LOC128092252: variants seen among roughly 807,000 people sequenced by gnomAD.
the LOC128092252 span, among the ~76,000 whole-genome samples, chr15:50,674,986 T>TA: frequency 6.6e-6 from 1 of 152,142 alleles, no homozygotes; most frequent in Non-Finnish European, 1.5e-5. Flanking sequence ...GTCACTCCCA[T>TA]ACTCACAGAT....
chr15:50,651,412 G>A, the LOC128092252 span, among the ~76,000 whole-genome samples: 27 of 152,280 alleles, frequency 1.8e-4, no homozygotes, highest in Admixed American at 5.9e-4. Flanking sequence ...TTGGGAAGCC[G>A]AGGCGGGTGG....
the LOC128092252 span, among the ~76,000 whole-genome samples, chr15:50,661,924 A>G: frequency 1.3e-5 from 2 of 152,206 alleles, no homozygotes; most frequent in Non-Finnish European, 1.5e-5. Flanking sequence ...GGCCTCAGAA[A>G]AAAGAAAAAT....
the LOC128092252 span, among the ~76,000 whole-genome samples, chr15:50,684,403 A>C: frequency 1.6e-4 from 25 of 152,244 alleles, no homozygotes; most frequent in Non-Finnish European, 2.9e-4. Context: ...ACACTTTGGG[A>C]GGTGAGACAG....
chr15:50,684,597 C>T, the LOC128092252 span, among the ~76,000 whole-genome samples: 9 of 151,786 alleles, frequency 5.9e-5, no homozygotes, highest in African/African-American at 2.2e-4. Flanking sequence ...GCCGAGATCG[C>T]TACACTGCAC....
At chr15:50,679,518 ATATATATATATATATATATATTT>A in the LOC128092252 span, among the ~76,000 whole-genome samples, 5 of 17,370 alleles carry the variant, frequency 2.9e-4, no homozygotes, top group African/African-American at 5.6e-4. Context: ...TATAATATAT[ATATATATATATATATATATATTT>A]TTTTTTTTTT....
chr15:50,683,727 A>C, the LOC128092252 span, among the ~76,000 whole-genome samples: 16 of 152,338 alleles, frequency 1.1e-4, no homozygotes, highest in African/African-American at 3.1e-4. Flanking sequence ...TCCAAAAAAA[A>C]CAAAATAAAA....
the LOC128092252 span, among the ~76,000 whole-genome samples, chr15:50,676,320 A>T: frequency 6.6e-6 from 1 of 152,260 alleles, no homozygotes; most frequent in South Asian, 2.1e-4. Context: ...TTTAACAAAT[A>T]CATTCTATGA....
chr15:50,674,921 T>G, the LOC128092252 span, among the ~76,000 whole-genome samples: 1 of 152,196 alleles, frequency 6.6e-6, no homozygotes, highest in Non-Finnish European at 1.5e-5. Context: ...TGTTTCTCAT[T>G]GGCAAATCCA....
At chr15:50,661,245 G>A in the LOC128092252 span, among the ~76,000 whole-genome samples, 1 of 152,044 alleles carries the variant, frequency 6.6e-6, no homozygotes, top group African/African-American at 2.4e-5. Flanking sequence ...AAAGTGCTGG[G>A]ATTACAGGTG....
At chr15:50,674,011 T>C in the LOC128092252 span, among the ~76,000 whole-genome samples, 1 of 152,184 alleles carries the variant, frequency 6.6e-6, no homozygotes, top group African/African-American at 2.4e-5. Context: ...TTTCTTGAGA[T>C]GGAGTTTTAC....
At chr15:50,681,262 A>ACACACACACACACACAC in the LOC128092252 span, among the ~76,000 whole-genome samples, 3 of 53,608 alleles carry the variant, frequency 5.6e-5, no homozygotes, top group African/African-American at 4.1e-4. Flanking sequence ...AAAATAAATA[A>ACACACACACACACACAC]ATACACACAC....
At chr15:50,650,075 C>T in the LOC128092252 span, among the ~76,000 whole-genome samples, 5 of 151,450 alleles carry the variant, frequency 3.3e-5, no homozygotes, top group East Asian at 5.8e-4. Context: ...TGCCTGTAAT[C>T]CCAGCTACTC....
At chr15:50,672,500 G>C in the LOC128092252 span, among the ~76,000 whole-genome samples, 1 of 152,106 alleles carries the variant, frequency 6.6e-6, no homozygotes, top group Non-Finnish European at 1.5e-5. Context: ...AAGATGAGAG[G>C]TGGAAGACAA....
the LOC128092252 span, chr15:50,662,921 C>T: frequency 1.5e-6 from 2 of 1,334,152 alleles, no homozygotes; most frequent in African/African-American, 2.9e-5. Flanking sequence ...ATATAATTTA[C>T]ACTAAAATTT....
the LOC128092252 span, among the ~76,000 whole-genome samples, chr15:50,676,755 CCA>C: frequency 6.6e-6 from 1 of 151,998 alleles, no homozygotes; most frequent in African/African-American, 2.4e-5. Flanking sequence ...AATAGAAATC[CCA>C]CAGTCTTACT....
chr15:50,657,112 T>C, the LOC128092252 span, among the ~76,000 whole-genome samples: 1 of 152,030 alleles, frequency 6.6e-6, no homozygotes, highest in Non-Finnish European at 1.5e-5. Flanking sequence ...TCACCTGAGG[T>C]CAGGAATTCA....
chr15:50,670,293 C>T, the LOC128092252 span, among the ~76,000 whole-genome samples: 11 of 152,136 alleles, frequency 7.2e-5, 1 homozygote, highest in South Asian at 2.3e-3. Flanking sequence ...TGAATAGGGG[C>T]TGAGTAAAAT....
chr15:50,673,252 C>T, the LOC128092252 span, among the ~76,000 whole-genome samples: 1 of 152,092 alleles, frequency 6.6e-6, no homozygotes. Context: ...TACACCTATA[C>T]TATTTTTTAT....
chr15:50,681,588 A>G, the LOC128092252 span, among the ~76,000 whole-genome samples: 1 of 152,184 alleles, frequency 6.6e-6, no homozygotes, highest in Admixed American at 6.6e-5. Flanking sequence ...CAGAAAACTA[A>G]GCCTGTTAAA....
Sources: allele counts gnomAD v4.1 joint callset (sites outside exome capture counted in the v4.1 genomes callset), GRCh38; gene constraint gnomAD v4.1.1; transcripts MANE v1.5.